Variants in ABCB11 observed in about 807,000 individuals in gnomAD.
The protein encoded by ABCB11 is ATP binding cassette subfamily B member 11, also known as bile salt export pump.
In ABCB11, 95 loss-of-function variants were observed where a neutral mutation model predicts 148.0. That is an observed-to-expected ratio of 0.64 (90% confidence interval 0.54 to 0.76). The LOEUF (loss-of-function observed/expected upper bound fraction) is 0.76, where lower values mean the gene tolerates loss of function less well. ABCB11 is among the 30% of genes least tolerant of loss of function. The pLI is 0.00. For missense variants in ABCB11, 1,523 were observed against 1,617.8 expected, an observed-to-expected ratio of 0.94 and a Z score of 1.01; for synonymous variants, 591 against 555.4, an observed-to-expected ratio of 1.06 and a Z score of -0.90.
chr2:168,932,647 C>A, intron 23 of ABCB11, 114 bp from the exon 24 acceptor site: 1 of 1,288,786 alleles, frequency 7.8e-7, no homozygotes, highest in South Asian at 1.5e-5. Flanking sequence ...ACCAAATATC[C>A]TTGAGCAAGT....
At chr2:168,983,280 C>G (rs966522179) in intron 10 of ABCB11, among the ~76,000 whole-genome samples, 3 of 152,248 alleles carry the variant, frequency 2.0e-5, no homozygotes, top group African/African-American at 7.2e-5. Flanking sequence ...TATGTATAAG[C>G]AGCTAGGACT....
intron 10 of ABCB11, among the ~76,000 whole-genome samples, chr2:168,981,020 A>C (rs970053119): frequency 6.6e-6 from 1 of 152,148 alleles, no homozygotes; most frequent in African/African-American, 2.4e-5. Flanking sequence ...TGCCAAGCCA[A>C]AGAGTGGCCC....
chr2:168,969,531 G>T lies in ABCB11; in HGVS notation c.1830C>A (p.Ile610=). The T allele has an allele frequency of 1.2e-6, 2 of 1,612,362 alleles. No individual in the cohort carries two copies. The highest frequency in any genetic ancestry group is 1.7e-6 in the Non-Finnish European group (2 of 1,179,044). Residue 610 remains isoleucine, a synonymous_variant, in exon 16 of 28, where the codon ATC becomes ATA. Coordinates refer to ENST00000650372, the MANE Select transcript of ABCB11 (RefSeq NM_003742.4). The part of the protein sequence containing the change: ...VLSKIQHGHT[I]ISVAHRLSTV... ...TAGACAAGCGATGAGCAACTGAAAT[G>T]ATTGTGTGCCCATGCTGAATCTGTA...
intron 9 of ABCB11, among the ~76,000 whole-genome samples, chr2:168,988,091 T>A (rs1212315953): frequency 2.0e-5 from 3 of 152,142 alleles, no homozygotes; most frequent in Non-Finnish European, 4.4e-5. Context: ...TAACAACACA[T>A]TTCTTGACTT....
At chr2:168,948,355 C>G (rs932850566) in intron 19 of ABCB11, among the ~76,000 whole-genome samples, 1 of 151,724 alleles carries the variant, frequency 6.6e-6, no homozygotes, top group Non-Finnish European at 1.5e-5. Context: ...AAATGCACTT[C>G]CCCAGCTTCT....
intron 5 of ABCB11, among the ~76,000 whole-genome samples, chr2:169,000,240 T>A (rs1161877447): frequency 6.6e-6 from 1 of 152,080 alleles, no homozygotes; most frequent in Non-Finnish European, 1.5e-5. Flanking sequence ...GCAAATATGT[T>A]CTCCCAGTCA....
chr2:168,982,295 T>C (rs1694158467), intron 10 of ABCB11, among the ~76,000 whole-genome samples: 1 of 152,150 alleles, frequency 6.6e-6, no homozygotes, highest in Non-Finnish European at 1.5e-5. Context: ...ATTTCTTGAC[T>C]TCATGGCTTC....
In ABCB11 at chr2:168,944,775, T is replaced by C. The variant is rs376959410; in HGVS notation, c.2449-9A>G. 2 of 1,611,306 alleles carry C rather than the reference T, an allele frequency of 1.2e-6. No homozygotes were observed. The highest frequency in any genetic ancestry group is 8.5e-7 in the Non-Finnish European group (1 of 1,178,660). Reference sequence around the variant, plus strand: ...TTAGCAAAGGCATATCCCTAAAACATGAAGAGGGAGATGTTAGAGAAATTT... The same window carrying C: ...TTAGCAAAGGCATATCCCTAAAACACGAAGAGGGAGATGTTAGAGAAATTT... On this transcript the variant is annotated splice_polypyrimidine_tract_variant and intron_variant, in intron 20 of 27. Coordinates refer to ENST00000650372, the MANE Select transcript of ABCB11 (RefSeq NM_003742.4).
At chr2:168,989,459 T>G (rs1202760516) in intron 9 of ABCB11, among the ~76,000 whole-genome samples, 3 of 152,118 alleles carry the variant, frequency 2.0e-5, no homozygotes, top group African/African-American at 7.2e-5. Flanking sequence ...CTTTCTGGGC[T>G]CTCCATTCTT....
In ABCB11 at chr2:168,932,432, T is replaced by C; in HGVS notation, c.3158A>G (p.Gln1053Arg). Residue 1053 changes from glutamine to arginine, a missense_variant, in exon 24 of 28, where the codon CAA becomes CGA. Gln to Arg is a conservative substitution (Grantham distance 43, BLOSUM62 1). Transcript: ENST00000650372. Reference protein sequence around the residue: ...KAKISAARFFQLLDRQPPISV... With the variant: ...KAKISAARFFRLLDRQPPISV... ...GATTGGGGGTTGTCGGTCCAGCAGT[T>C]GAAAAAAGCGTGCAGCTGATATTTT... 1.9e-6 allele frequency: 3 copies of C among 1,604,364 alleles called. No individual in the cohort carries two copies. Among genetic ancestry groups the C allele is most frequent in the Non-Finnish European group, 2.6e-6 (3 of 1,175,176 alleles).
Position 169,008,847 on chromosome 2 carries a change from C to T in ABCB11, c.389+4425G>A, listed in dbSNP as rs1024363731. Among the ~76,000 whole-genome samples the T allele has an allele frequency of 2.0e-5, 3 of 152,278 alleles. No homozygotes were observed. In the East Asian group the frequency reaches 5.8e-4, roughly 29 times the overall value. On this transcript the variant is annotated intron_variant, in intron 5 of 27. Coordinates refer to ENST00000650372, the MANE Select transcript of ABCB11 (RefSeq NM_003742.4). The stretch of plus-strand genomic sequence containing the variant: ...ACACAAAAATCTGTATACAAATGTT[C>T]ACAGCAGAATTATTTGTAATAGCTC...
At chr2:169,021,685 C>A (rs1211849119) in intron 1 of ABCB11, among the ~76,000 whole-genome samples, 1 of 151,892 alleles carries the variant, frequency 6.6e-6, no homozygotes, top group Non-Finnish European at 1.5e-5. Flanking sequence ...ATTAGTTGAA[C>A]TTTCTAAGTA....
At chr2:169,027,395 A>G (rs1403017866) in intron 1 of ABCB11, among the ~76,000 whole-genome samples, 1 of 152,218 alleles carries the variant, frequency 6.6e-6, no homozygotes, top group Admixed American at 6.5e-5. Context: ...TGCACACTAT[A>G]TGCGCTTCTG....
chr2:169,021,767 G>C (rs559524362), intron 1 of ABCB11, among the ~76,000 whole-genome samples: 2 of 152,068 alleles, frequency 1.3e-5, no homozygotes, highest in Non-Finnish European at 1.5e-5. Context: ...GTAACACAAT[G>C]TCGATAGATT....
Position 169,020,107 on chromosome 2 carries a change from G to A in ABCB11, c.-27-1955C>T, listed in dbSNP as rs1302881970. The stretch of plus-strand genomic sequence containing the variant: ...AAGAACATAATTAAAACTCTACACA[G>A]TATGTAGATATGAGTGTAACTTGAA... On this transcript the variant is annotated intron_variant, in intron 1 of 27. Coordinates refer to ENST00000650372, the MANE Select transcript of ABCB11 (RefSeq NM_003742.4). 2.6e-5 allele frequency among the ~76,000 whole-genome samples: 4 copies of A among 152,168 alleles called. No individual in the cohort carries two copies. The East Asian group carries it at 7.7e-4, about 29-fold the overall frequency.
intron 19 of ABCB11, among the ~76,000 whole-genome samples, chr2:168,947,769 C>T (rs778133215): frequency 6.6e-5 from 10 of 151,630 alleles, no homozygotes; most frequent in South Asian, 2.1e-4. Context: ...ACAAGAACGA[C>T]GAGTAGACTT....
chr2:168,968,490 T>A lies in ABCB11; in HGVS notation c.2012A>T (p.Asp671Val). ...CGCAAGCATGTCATCTTCAGTTGCATCTACTCAACACAGCATGAGCAATTT... is the reference window on the plus strand; with the variant it reads ...CGCAAGCATGTCATCTTCAGTTGCAACTACTCAACACAGCATGAGCAATTT... ...NQALNEEDIK[D>V]ATEDDMLART... The change falls in exon 17 of 28, where the codon GAT (aspartate) becomes GTT (valine). Residue 671 changes from aspartate to valine, a missense_variant and splice_region_variant. By Grantham distance (152) the Asp-to-Val change is radical. Transcript: ENST00000650372. The A allele has an allele frequency of 1.2e-6, 2 of 1,610,578 alleles. No individual in the cohort carries two copies. Among genetic ancestry groups the A allele is most frequent in the Non-Finnish European group, 1.7e-6 (2 of 1,178,076 alleles).
At chr2:169,009,241 G>T (rs192248079) in intron 5 of ABCB11, among the ~76,000 whole-genome samples, 111 of 152,160 alleles carry the variant, frequency 7.3e-4, no homozygotes, top group African/African-American at 2.5e-3. Flanking sequence ...TATACCCAAA[G>T]GATTATAAAT....
chr2:168,961,911 C>G (rs929544376), intron 18 of ABCB11, among the ~76,000 whole-genome samples: 1 of 151,610 alleles, frequency 6.6e-6, no homozygotes, highest in Non-Finnish European at 1.5e-5. Context: ...AGGCCTTTTC[C>G]ATCAACATGA....
Sources: allele counts gnomAD v4.1 joint callset (sites outside exome capture counted in the v4.1 genomes callset), GRCh38; gene constraint gnomAD v4.1.1; transcripts MANE v1.5; gene names NCBI Gene and HGNC (gene_info 2026-07-23, HGNC 2026-07-21).